SGCD: variants seen among roughly 807,000 people sequenced by gnomAD.
The protein encoded by SGCD is sarcoglycan delta, also known as delta-sarcoglycan.
A neutral mutation model predicts 36.6 loss-of-function variants in SGCD; 18 were observed. The ratio of observed to expected loss-of-function variants is 0.49; its 90% confidence interval spans 0.34 to 0.73. The LOEUF is 0.73. Among genes scored for constraint, SGCD ranks in the 30% least tolerant of loss-of-function variants. The probability of loss-of-function intolerance (pLI) is 0.01; values close to 1 mark genes in which losing one functional copy is unlikely to be tolerated. For synonymous variants in SGCD, 133 were observed against 130.6 expected, an observed-to-expected ratio of 1.02 and a Z score of -0.12; for missense variants, 387 against 346.7, an observed-to-expected ratio of 1.12 and a Z score of -0.92.
At chr5:156,423,115 G>T (rs765720656) in intron 3 of SGCD, among the ~76,000 whole-genome samples, 4 of 117,186 alleles carry the variant, frequency 3.4e-5, no homozygotes, top group Non-Finnish European at 7.0e-5. Flanking sequence ...AACTGAAAAA[G>T]GAAATATTAA....
At chr5:156,594,399 A>T (rs1760841632) in intron 5 of SGCD, among the ~76,000 whole-genome samples, 1 of 152,160 alleles carries the variant, frequency 6.6e-6, no homozygotes, top group South Asian at 2.1e-4. Flanking sequence ...AATTACAGTA[A>T]CCATTTCTGC....
At chr5:155,897,836 G>T (rs530614128) in intron 1 of SGCD, among the ~76,000 whole-genome samples, 1 of 152,216 alleles carries the variant, frequency 6.6e-6, no homozygotes, top group South Asian at 2.1e-4. Flanking sequence ...ACAGTCCATT[G>T]TTGACCAACA....
chr5:156,300,917 G>T (rs1581228972), intron 3 of SGCD, among the ~76,000 whole-genome samples: 1 of 150,232 alleles, frequency 6.7e-6, no homozygotes, highest in African/African-American at 2.5e-5. Flanking sequence ...TTTGATAAAA[G>T]TATAAGGACT....
intron 1 of SGCD, among the ~76,000 whole-genome samples, chr5:156,036,191 C>T (rs1452322788): frequency 6.6e-6 from 1 of 152,074 alleles, no homozygotes; most frequent in Non-Finnish European, 1.5e-5. Flanking sequence ...GCTGAAAAAG[C>T]CAACACTGTC....
chr5:156,685,820 T>G (rs1753884488), intron 7 of SGCD, among the ~76,000 whole-genome samples: 2 of 152,186 alleles, frequency 1.3e-5, no homozygotes, highest in Admixed American at 1.3e-4. Context: ...ACATACACAT[T>G]CTTTCTTCTA....
intron 3 of SGCD, among the ~76,000 whole-genome samples, chr5:156,157,050 G>A (rs888395456): frequency 1.3e-5 from 2 of 151,562 alleles, no homozygotes; most frequent in African/African-American, 2.4e-5. Context: ...AAATTATCAG[G>A]ATTTCTCTGT....
intron 7 of SGCD, among the ~76,000 whole-genome samples, chr5:156,749,097 A>G (rs1757055030): frequency 6.6e-6 from 1 of 152,088 alleles, no homozygotes; most frequent in Admixed American, 6.6e-5. Flanking sequence ...TATACAGAAA[A>G]TGTTCTCTAT....
At chr5:156,368,886 T>C (rs1338176810) in intron 3 of SGCD, among the ~76,000 whole-genome samples, 2 of 152,222 alleles carry the variant, frequency 1.3e-5, no homozygotes, top group Non-Finnish European at 2.9e-5. Flanking sequence ...TATTTCATTA[T>C]ATATTGCAAT....
intron 3 of SGCD, among the ~76,000 whole-genome samples, chr5:156,389,958 AGAT>A (rs1417570976): frequency 4.6e-5 from 7 of 152,260 alleles, no homozygotes; most frequent in African/African-American, 1.7e-4. Context: ...GGGTTCGATA[AGAT>A]TATTGATGGA....
intron 3 of SGCD, among the ~76,000 whole-genome samples, chr5:156,480,886 A>C (rs1755393106): frequency 6.6e-6 from 1 of 152,220 alleles, no homozygotes; most frequent in Non-Finnish European, 1.5e-5. Context: ...AAAGGCCACA[A>C]CTACAGAATA....
At chr5:156,123,031 T>TGAGAAG (rs1291840682) in intron 2 of SGCD, among the ~76,000 whole-genome samples, 2 of 152,030 alleles carry the variant, frequency 1.3e-5, no homozygotes, top group African/African-American at 4.8e-5. Flanking sequence ...TGCCATTGAC[T>TGAGAAG]GAGAAGGCAT....
chr5:156,439,498 T>A (rs1050819339), intron 3 of SGCD, among the ~76,000 whole-genome samples: 1 of 152,114 alleles, frequency 6.6e-6, no homozygotes, highest in Non-Finnish European at 1.5e-5. Flanking sequence ...CTCAGGAGCC[T>A]GTTTAAATCT....
chr5:156,563,937 A>G (rs1759373870), intron 4 of SGCD, among the ~76,000 whole-genome samples: 2 of 152,272 alleles, frequency 1.3e-5, no homozygotes, highest in Admixed American at 6.5e-5. Context: ...TCTTCAGACT[A>G]AATTACAGAG....
At chr5:156,122,834 A>T (rs1055905930) in intron 2 of SGCD, among the ~76,000 whole-genome samples, 5 of 122,452 alleles carry the variant, frequency 4.1e-5, no homozygotes, top group African/African-American at 1.3e-4. Flanking sequence ...ATGGTAGTAA[A>T]AGATGTGGTA....
chr5:155,841,655 T>C, the SGCD span, among the ~76,000 whole-genome samples: 7 of 152,190 alleles, frequency 4.6e-5, no homozygotes, highest in African/African-American at 1.7e-4. Context: ...AAATATGTGT[T>C]TTTCTAGTAT....
chr5:156,288,816 C>T (rs910292689), intron 3 of SGCD, among the ~76,000 whole-genome samples: 2 of 152,030 alleles, frequency 1.3e-5, no homozygotes, highest in African/African-American at 2.4e-5. Context: ...TGATTAAGTC[C>T]GTAGGATCTA....
chr5:155,805,263 T>C, the SGCD span, among the ~76,000 whole-genome samples: 1 of 152,158 alleles, frequency 6.6e-6, no homozygotes, highest in Non-Finnish European at 1.5e-5. Context: ...TAGATATCTG[T>C]TATAAGCATG....
At chr5:155,821,026 A>G in the SGCD span, among the ~76,000 whole-genome samples, 1 of 152,174 alleles carries the variant, frequency 6.6e-6, no homozygotes, top group Non-Finnish European at 1.5e-5. Flanking sequence ...AGCCCCACAG[A>G]GAGTACTCAA....
the SGCD span, among the ~76,000 whole-genome samples, chr5:155,783,301 A>C: frequency 6.6e-6 from 1 of 152,170 alleles, no homozygotes; most frequent in Non-Finnish European, 1.5e-5. Context: ...AGAAATATCA[A>C]CAGAATTTAA....
Sources: gnomAD v4.1 joint callset for allele counts (sites outside exome capture counted in the v4.1 genomes callset) on GRCh38, gnomAD v4.1.1 for gene constraint, MANE v1.5 for transcripts, NCBI Gene and HGNC (gene_info 2026-07-23, HGNC 2026-07-21) for gene names.